Variants in ARHGEF12 observed in about 807,000 individuals in gnomAD.
The protein encoded by ARHGEF12 is KMT2A/ARHGEF12 fusion protein.
Under a neutral mutation model 211.2 loss-of-function variants are expected in ARHGEF12, and 66 were observed. The ratio of observed to expected loss-of-function variants is 0.31; its 90% CI spans 0.26 to 0.38. ARHGEF12 has a LOEUF of 0.38. Ranked by LOEUF, ARHGEF12 falls within the 10% of genes least tolerant of loss-of-function variation. The probability of loss-of-function intolerance (pLI) is 1.00; values close to 1 mark genes in which losing one functional copy is unlikely to be tolerated. For synonymous variants in ARHGEF12, 592 were observed against 638.4 expected (o/e 0.93, Z 1.09); for missense variants, 1,429 against 1,869.5 (o/e 0.76, Z 4.34).
In ARHGEF12 at chr11:120,485,445, G is replaced by A. The variant is rs1947372577; in HGVS notation, c.*368G>A. ...ATTTGACTTCATTCCGTATTTGAAA[G>A]CACATTTTAATTTTTATTTGCCTTG... On this transcript the variant is annotated 3_prime_UTR_variant, in exon 41 of 41. Coordinates refer to ENST00000397843, the MANE Select transcript of ARHGEF12 (RefSeq NM_015313.3). 7.9e-6 allele frequency: 2 copies of A among 252,598 alleles called. No homozygotes were observed. The highest frequency in any genetic ancestry group is 1.1e-4 in the East Asian group (2 of 17,638). The allele number at this position is 252,598 out of a possible 1,614,324, so 15.6% of individuals were successfully genotyped here. A position where few individuals can be genotyped will look rare whatever the true frequency, so the allele number is the denominator to read the frequency against.
chr11:120,460,707 A>C lies in ARHGEF12; in HGVS notation c.2563A>C (p.Arg855=). Residue 855 remains arginine (R), a synonymous_variant, in exon 27 of 41, where the codon AGA becomes CGA. Coordinates refer to ENST00000397843, the MANE Select transcript of ARHGEF12 (RefSeq NM_015313.3). ...TGAACAAATGAAGGCTGTTCGAAAG[A>C]GAAATGAGACCTCTGTTATCGATCA... ...LNEQMKAVRK[R]NETSVIDQIG... 6.2e-7 allele frequency: 1 copy of C among 1,613,938 alleles called. No individual in the cohort carries two copies. Among genetic ancestry groups the C allele is most frequent in the Non-Finnish European group, 8.5e-7 (1 of 1,179,944 alleles).
chr11:120,405,802 G>C (rs1429209112), intron 1 of ARHGEF12: 1 of 213,758 alleles, frequency 4.7e-6, no homozygotes, highest in Non-Finnish European at 9.1e-6. Flanking sequence ...GATAATACAT[G>C]TGGAAATAAT....
rs1445834102 is a variant in ARHGEF12, at chr11:120,337,255, A to C, written c.12A>C (p.Thr4=). 1.9e-6 allele frequency: 3 copies of C among 1,614,088 alleles called. No individual in the cohort carries two copies. In the African/African-American group the frequency reaches 4.0e-5, roughly 22 times the overall value. Reference sequence around the variant, plus strand: ...CGCCAAGGGCCCCAATGAGTGGCACACAGTCTACTATCACCGACAGGTTGG... The same window carrying C: ...CGCCAAGGGCCCCAATGAGTGGCACCCAGTCTACTATCACCGACAGGTTGG... The part of the protein sequence containing the change: MSG[T]QSTITDRFPL... The change falls in exon 1 of 41, where the codon ACA becomes ACC. Residue 4 remains threonine, a synonymous_variant. Transcript: ENST00000397843.
At chr11:120,380,132 C>G (rs559427351) in intron 1 of ARHGEF12, among the ~76,000 whole-genome samples, 7 of 152,338 alleles carry the variant, frequency 4.6e-5, no homozygotes, top group African/African-American at 1.7e-4. Flanking sequence ...AGAGTACCCA[C>G]TATTCTGACT....
Position 120,441,690 on chromosome 11 carries a change from A to G in ARHGEF12, c.1093-17A>G. ...TGTATGTTGGAGTTACTGATGCATA[A>G]TCATTTCTTCCTCTAGATCAATGGA... On this transcript the variant is annotated splice_polypyrimidine_tract_variant and intron_variant, in intron 13 of 40. Coordinates refer to ENST00000397843, the MANE Select transcript of ARHGEF12 (RefSeq NM_015313.3). 1 of 1,600,438 alleles carries G rather than the reference A, an allele frequency of 6.2e-7. No individual in the cohort carries two copies. The highest frequency in any genetic ancestry group is 8.6e-7 in the Non-Finnish European group (1 of 1,168,602).
intron 19 of ARHGEF12, 58 bp downstream of exon 19, chr11:120,447,964 TC>T: frequency 7.9e-7 from 1 of 1,273,418 alleles, no homozygotes; most frequent in Middle Eastern, 2.6e-4. Flanking sequence ...TATGTTTTTT[TC>T]CTTTCAGTCC....
rs764501839 is a variant in ARHGEF12 at position 120,484,489 on chromosome 11, C to A, written c.4606C>A (p.Leu1536Ile). The change falls in exon 40 of 41, where the codon CTC becomes ATC. Residue 1536 changes from leucine (L) to isoleucine (I), a missense_variant. Leu to Ile is a conservative substitution (Grantham distance 5). This residue lies in a region of ARHGEF12 where 467 missense variants were observed against 468.4 expected (regional missense o/e 1.00). Transcript: ENST00000397843. ...ILCQRLAGSA[L>I]TDKHSDKS The stretch of plus-strand genomic sequence containing the variant: ...TTGCCAAAGGCTGGCTGGATCAGCC[C>A]TCACAGACAAGCACTCAGGTATGTA... 8 of 1,614,042 alleles carry A rather than the reference C, an allele frequency of 5.0e-6. No homozygotes were observed. In the South Asian group the frequency reaches 8.8e-5, roughly 18 times the overall value.
chr11:120,357,977 C>T (rs1211633111), intron 1 of ARHGEF12, among the ~76,000 whole-genome samples: 2 of 152,118 alleles, frequency 1.3e-5, no homozygotes, highest in Non-Finnish European at 2.9e-5. Context: ...ATGGGCACAG[C>T]AGTTGGTAAA....
chr11:120,358,879 G>A (rs1044500208), intron 1 of ARHGEF12, among the ~76,000 whole-genome samples: 1 of 152,216 alleles, frequency 6.6e-6, no homozygotes, highest in African/African-American at 2.4e-5. Flanking sequence ...CAGTCCAGGT[G>A]TCTGCAACTA....
At chr11:120,359,983 TAAGACC>T (rs1211033615) in intron 1 of ARHGEF12, among the ~76,000 whole-genome samples, 1 of 152,196 alleles carries the variant, frequency 6.6e-6, no homozygotes, top group African/African-American at 2.4e-5. Flanking sequence ...GGTAGATAAA[TAAGACC>T]AAGTCTCTAA....
At chr11:120,412,883 T>C (rs2135607906) in intron 4 of ARHGEF12, among the ~76,000 whole-genome samples, 1 of 152,294 alleles carries the variant, frequency 6.6e-6, no homozygotes, top group Admixed American at 6.5e-5. Context: ...ATTTGCCAGG[T>C]CCCCTTGATT....
chr11:120,336,920 G>C lies in ARHGEF12; in HGVS notation c.-324G>C, dbSNP rs1433681683. ...GCCCCAGCCCCGGCGGGAGTCCCGG[G>C]TCCCCTTCCCACTGCGCGCGGATTT... On this transcript the variant is annotated 5_prime_UTR_variant, in exon 1 of 41. Coordinates refer to ENST00000397843, the MANE Select transcript of ARHGEF12 (RefSeq NM_015313.3). 2.3e-6 allele frequency: 1 copy of C among 437,612 alleles called. No homozygotes were observed. The highest frequency in any genetic ancestry group is 4.2e-5 in the Admixed American group (1 of 24,038). 27.1% of individuals were successfully genotyped at this position (437,612 alleles called of 1,614,324 possible).
chr11:120,362,476 C>T (rs529515974), intron 1 of ARHGEF12, among the ~76,000 whole-genome samples: 23 of 152,014 alleles, frequency 1.5e-4, no homozygotes, highest in African/African-American at 5.3e-4. Context: ...AATCTCAACC[C>T]GTTGTACTTG....
At chr11:120,448,431 T>C (rs1408175199) in intron 20 of ARHGEF12, 83 bp downstream of exon 20, 47 of 995,708 alleles carry the variant, frequency 4.7e-5, no homozygotes, top group Non-Finnish European at 6.5e-5. Flanking sequence ...CATCTTAGTA[T>C]TTACTTAATC....
In ARHGEF12 at chr11:120,382,414, A is replaced by C. The variant is rs147097093; in HGVS notation, c.33-23704A>C. Among the ~76,000 whole-genome samples, 27 of 152,374 alleles carry C rather than the reference A, an allele frequency of 1.8e-4. No individual in the cohort carries two copies. The East Asian group carries it at 5.2e-3, about 29-fold the overall frequency. On this transcript the variant is annotated intron_variant, in intron 1 of 40. Transcript: ENST00000397843. Reference sequence around the variant, plus strand: ...AATGTGTGAATAAACTACAGTTTTAAAAATCCATTCTACTGCAGATGGACA... The same window carrying C: ...AATGTGTGAATAAACTACAGTTTTACAAATCCATTCTACTGCAGATGGACA...
chr11:120,481,433 A>G lies in ARHGEF12; in HGVS notation c.4411A>G (p.Thr1471Ala). Residue 1471 changes from threonine (T) to alanine (A), a missense_variant, in exon 39 of 41, where the codon ACC (threonine) becomes GCC (alanine). Around this residue, in one of 7 missense-constraint regions of ARHGEF12, gnomAD observed 467 missense variants for 468.4 expected, o/e 1.00. Transcript: ENST00000397843. ...THSDGAISPFTPEFLVQQRWG... is the reference protein window; with the variant it reads ...THSDGAISPFAPEFLVQQRWG... ...CTCCGATGGGGCAATTTCACCATTCACCCCCGAATTTCTGGTCCAGCAGCG... is the reference window on the plus strand; with the variant it reads ...CTCCGATGGGGCAATTTCACCATTCGCCCCCGAATTTCTGGTCCAGCAGCG... 3 of 1,614,036 alleles carry G rather than the reference A, an allele frequency of 1.9e-6. 1 individual carries two copies. The highest frequency in any genetic ancestry group is 2.2e-5 in the South Asian group (2 of 91,062).
intron 11 of ARHGEF12, among the ~76,000 whole-genome samples, chr11:120,432,627 C>A (rs1945581973): frequency 6.6e-6 from 1 of 152,046 alleles, no homozygotes; most frequent in South Asian, 2.1e-4. Context: ...GTCATGAAAT[C>A]AATTTTGTGG....
chr11:120,392,462 G>A (rs1254223042), intron 1 of ARHGEF12, among the ~76,000 whole-genome samples: 3 of 152,054 alleles, frequency 2.0e-5, no homozygotes, highest in Non-Finnish European at 4.4e-5. Flanking sequence ...GTTCATTAAC[G>A]TAACCTCCAG....
At chr11:120,397,270 C>T (rs1944419761) in intron 1 of ARHGEF12, among the ~76,000 whole-genome samples, 1 of 152,184 alleles carries the variant, frequency 6.6e-6, no homozygotes, top group Non-Finnish European at 1.5e-5. Flanking sequence ...GTTGCCAAAA[C>T]AAGCTTCTTC....
Sources: allele counts gnomAD v4.1 joint callset (sites outside exome capture counted in the v4.1 genomes callset), GRCh38; gene constraint gnomAD v4.1.1; regional missense constraint gnomAD v4.1.1; transcripts MANE v1.5; gene names NCBI Gene and HGNC (gene_info 2026-07-23, HGNC 2026-07-21).